MYT1L: variants seen among roughly 807,000 people sequenced by gnomAD.
The protein encoded by MYT1L is myelin transcription factor 1 like.
In MYT1L, 12 loss-of-function variants were observed where a neutral mutation model predicts 126.7. That is an observed-to-expected ratio of 0.09 (90% CI 0.06 to 0.15). The LOEUF (loss-of-function observed/expected upper bound fraction) is 0.15. MYT1L is among the 10% of genes least tolerant of loss of function. The pLI, the probability that MYT1L is intolerant of heterozygous loss-of-function variation, is 1.00. For missense variants in MYT1L, 979 were observed against 1,585.2 expected (o/e 0.62, Z 6.49); for synonymous variants, 541 against 604.2 (o/e 0.90, Z 1.53).
intron 4 of MYT1L, among the ~76,000 whole-genome samples, chr2:2,008,840 T>A (rs1490168575): frequency 6.6e-6 from 1 of 152,186 alleles, no homozygotes; most frequent in Admixed American, 6.5e-5. Context: ...GCATCCATTT[T>A]GAGTTATTAT....
At chr2:1,986,927 G>A (rs756086785) in intron 5 of MYT1L, among the ~76,000 whole-genome samples, 1 of 152,188 alleles carries the variant, frequency 6.6e-6, no homozygotes, top group Non-Finnish European at 1.5e-5. Context: ...TGGGCAGGAA[G>A]GCACCCCTTC....
chr2:2,295,504 T>A (rs1352158953), intron 1 of MYT1L, among the ~76,000 whole-genome samples: 1 of 143,838 alleles, frequency 7.0e-6, no homozygotes, highest in Non-Finnish European at 1.5e-5. Flanking sequence ...GTGGAGAGTG[T>A]GGGGGTGGGG....
chr2:2,035,671 C>T, intron 4 of MYT1L, among the ~76,000 whole-genome samples: 1 of 5,682 alleles, frequency 1.8e-4, no homozygotes. Flanking sequence ...ACAATCTCCA[C>T]CCTCCAATGC....
intron 4 of MYT1L, among the ~76,000 whole-genome samples, chr2:2,030,541 T>C (rs1320988229): frequency 6.6e-6 from 1 of 152,208 alleles, no homozygotes; most frequent in South Asian, 2.1e-4. Flanking sequence ...AATGAGTGAT[T>C]AAGATTTTTT....
At chr2:2,181,088 C>T (rs1559251768) in intron 2 of MYT1L, among the ~76,000 whole-genome samples, 1 of 150,690 alleles carries the variant, frequency 6.6e-6, no homozygotes. Context: ...GTGTATGTAC[C>T]TGTGTACCTG....
chr2:1,876,062 GC>G (rs1403309462), intron 18 of MYT1L, among the ~76,000 whole-genome samples: 4 of 152,196 alleles, frequency 2.6e-5, no homozygotes, highest in African/African-American at 9.7e-5. Flanking sequence ...GAGGTTGAGG[GC>G]TGCAGTGATA....
intron 2 of MYT1L, among the ~76,000 whole-genome samples, chr2:2,267,267 G>A (rs191181561): frequency 2.0e-5 from 3 of 152,276 alleles, no homozygotes; most frequent in East Asian, 1.9e-4. Flanking sequence ...CTTTGGCCTC[G>A]CAGTCTCCCT....
intron 2 of MYT1L, among the ~76,000 whole-genome samples, chr2:2,216,166 A>G (rs1299163316): frequency 1.3e-5 from 2 of 152,128 alleles, no homozygotes; most frequent in Non-Finnish European, 2.9e-5. Flanking sequence ...CTGTGAGCCA[A>G]TTAAACCTCT....
At chr2:2,245,076 G>A (rs553001550) in intron 2 of MYT1L, among the ~76,000 whole-genome samples, 185 of 152,302 alleles carry the variant, frequency 1.2e-3, no homozygotes, top group African/African-American at 2.3e-3. Context: ...CAGCATACTC[G>A]TATTACAGTT....
chr2:2,087,951 T>C (rs1421616), intron 3 of MYT1L, among the ~76,000 whole-genome samples: 3,031 of 152,344 alleles, frequency 0.02, 89 homozygotes, highest in African/African-American at 0.065. Context: ...CACTTTGTGA[T>C]CACGGCTGAG....
chr2:2,191,214 A>C (rs1190089966), intron 2 of MYT1L, among the ~76,000 whole-genome samples: 1 of 152,174 alleles, frequency 6.6e-6, no homozygotes. Flanking sequence ...CACAGGATGA[A>C]GGAGGGATGG....
At chr2:1,971,529 A>G (rs2059807966) in intron 8 of MYT1L, among the ~76,000 whole-genome samples, 1 of 152,142 alleles carries the variant, frequency 6.6e-6, no homozygotes, top group African/African-American at 2.4e-5. Context: ...TCAGGAGTTC[A>G]AGACCAACCT....
intron 21 of MYT1L, among the ~76,000 whole-genome samples, chr2:1,812,644 G>A (rs1051179867): frequency 6.6e-6 from 1 of 152,126 alleles, no homozygotes; most frequent in Non-Finnish European, 1.5e-5. Flanking sequence ...TTGTGAGGCC[G>A]AGGCGGACAG....
intron 22 of MYT1L, among the ~76,000 whole-genome samples, chr2:1,807,259 G>C (rs1158769668): frequency 6.6e-6 from 1 of 152,226 alleles, no homozygotes; most frequent in Admixed American, 6.5e-5. Context: ...CTGGCAGAGG[G>C]AGTCCTGCAG....
At chr2:2,161,598 G>C (rs1387183915) in intron 3 of MYT1L, among the ~76,000 whole-genome samples, 1 of 152,142 alleles carries the variant, frequency 6.6e-6, no homozygotes, top group East Asian at 1.9e-4. Context: ...AAATGAGAAG[G>C]ATGTGTCATT....
intron 3 of MYT1L, among the ~76,000 whole-genome samples, chr2:2,063,075 TC>T (rs2070744727): frequency 6.6e-6 from 1 of 152,184 alleles, no homozygotes; most frequent in Non-Finnish European, 1.5e-5. Context: ...TAATCAGATT[TC>T]CTTTATCTTC....
At position 1,943,296 on chromosome 2, in the gene MYT1L, T is replaced by G; in HGVS notation, c.191A>C (p.Gln64Pro). 3 of 1,571,846 alleles carry G rather than the reference T, an allele frequency of 1.9e-6. No homozygotes were observed. The highest frequency in any genetic ancestry group is 2.6e-6 in the Non-Finnish European group (3 of 1,157,822). Residue 64 changes from glutamine to proline, a missense_variant, in exon 9 of 25, where the codon CAA (glutamine) becomes CCA (proline). Physicochemically the swap from Gln to Pro is moderately conservative, Grantham distance 76. Around this residue, in one of 12 missense-constraint regions of MYT1L, gnomAD observed 111 missense variants for 115.9 expected, o/e 0.96. Transcript: ENST00000647738. This position sits in a 1 kb window ranked among gnomAD's most constrained non-coding sequence, Gnocchi z 4.4. The part of the protein sequence containing the change: ...GCPLAKKRKT[Q>P]DKQPQEPAPK... ...AGCAGGTTCCTGGGGCTGTTTATCT[T>G]GTGTTTTTCTTTTTTTCGCCAAGGG... is the stretch of plus-strand genomic sequence containing the variant.
In MYT1L at chr2:1,917,157, G is replaced by A; in HGVS notation, c.1618+48C>T. 1 of 1,588,978 alleles carries A rather than the reference G, an allele frequency of 6.3e-7. No homozygotes were observed. Among genetic ancestry groups the A allele is most frequent in the South Asian group, 1.1e-5 (1 of 88,632 alleles). On this transcript the variant is annotated intron_variant, in intron 11 of 24. Transcript: ENST00000647738. This position sits in a 1 kb window ranked among gnomAD's most constrained non-coding sequence, Gnocchi z 5.9. ...AGGTAAGAGGGATGACAGAGACAGAGTCATGGGTGTTTGCACCCCCAAGGG... is the reference window on the plus strand; with the variant it reads ...AGGTAAGAGGGATGACAGAGACAGAATCATGGGTGTTTGCACCCCCAAGGG...
At chr2:1,888,817 C>G (rs151128702) in intron 16 of MYT1L, among the ~76,000 whole-genome samples, 3 of 152,298 alleles carry the variant, frequency 2.0e-5, no homozygotes, top group Non-Finnish European at 4.4e-5. Context: ...AGAAGGGACA[C>G]TGTCCTTAGT....
Sources: gnomAD v4.1 joint callset for allele counts (sites outside exome capture counted in the v4.1 genomes callset) on GRCh38, gnomAD v4.1.1 for gene constraint, gnomAD v4.1.1 regional missense constraint, Gnocchi (gnomAD v3.1) non-coding constraint, MANE v1.5 for transcripts, NCBI Gene and HGNC (gene_info 2026-07-23, HGNC 2026-07-21) for gene names.